Variants in ATRNL1 observed in about 807,000 individuals in gnomAD.
The protein encoded by ATRNL1 is attractin-like protein 1.
In ATRNL1, 95 loss-of-function variants were observed where a neutral mutation model predicts 182.7. The observed-to-expected ratio is 0.52, with a 90% CI of 0.44 to 0.62. The LOEUF is 0.62. Ranked by LOEUF, ATRNL1 falls within the 20% of genes least tolerant of loss-of-function variation. The pLI is 0.00. For synonymous variants in ATRNL1, 576 were observed against 568.3 expected, an observed-to-expected ratio of 1.01 and a Z score of -0.19; for missense variants, 1,471 against 1,679.5, an observed-to-expected ratio of 0.88 and a Z score of 2.17.
At chr10:115,139,150 T>TA (rs1845648925) in intron 5 of ATRNL1, among the ~76,000 whole-genome samples, 1 of 152,214 alleles carries the variant, frequency 6.6e-6, no homozygotes, top group African/African-American at 2.4e-5. Context: ...TCATTGTCCA[T>TA]ATGATTATCA....
chr10:115,459,511 A>T (rs565649081), intron 21 of ATRNL1, among the ~76,000 whole-genome samples: 67 of 152,256 alleles, frequency 4.4e-4, no homozygotes, highest in African/African-American at 1.5e-3. Flanking sequence ...CCAGTCTCCC[A>T]TAGCGCTCCC....
chr10:115,348,488 A>G (rs1037676333), intron 19 of ATRNL1, among the ~76,000 whole-genome samples: 39 of 152,226 alleles, frequency 2.6e-4, no homozygotes, highest in African/African-American at 8.7e-4. Flanking sequence ...TATGATTCAA[A>G]CTTTTATGGC....
intron 26 of ATRNL1, among the ~76,000 whole-genome samples, chr10:115,665,328 C>T (rs1168615733): frequency 1.3e-5 from 2 of 152,052 alleles, no homozygotes; most frequent in Non-Finnish European, 2.9e-5. Context: ...AAAATTGAGG[C>T]ACAAAGAAGG....
intron 24 of ATRNL1, among the ~76,000 whole-genome samples, chr10:115,488,149 T>C (rs1189890918): frequency 2.6e-5 from 4 of 152,186 alleles, no homozygotes; most frequent in Non-Finnish European, 5.9e-5. Flanking sequence ...GATTTTTGCA[T>C]CGATGTTCAT....
intron 18 of ATRNL1, among the ~76,000 whole-genome samples, chr10:115,324,055 G>A (rs567072343): frequency 5.9e-5 from 9 of 152,316 alleles, no homozygotes; most frequent in African/African-American, 1.7e-4. Context: ...GGGATTACAG[G>A]TGTGAGCCAC....
intron 27 of ATRNL1, among the ~76,000 whole-genome samples, chr10:115,798,809 T>C (rs1332208413): frequency 7.0e-6 from 1 of 142,756 alleles, no homozygotes; most frequent in Non-Finnish European, 1.5e-5. Context: ...GGTTGCTTTT[T>C]TTTTCTTTTT....
chr10:115,284,938 T>G (rs2133935015), intron 14 of ATRNL1, among the ~76,000 whole-genome samples: 1 of 152,272 alleles, frequency 6.6e-6, no homozygotes, highest in South Asian at 2.1e-4. Context: ...ATACCTACAT[T>G]CTAGATTCTG....
Position 115,549,481 on chromosome 10 carries a change from TG to T in ATRNL1, c.3742del (p.Ala1248LeufsTer37). ...AGTTGTTTCCTATCCTTATTGCTGG[TG>T]GCTGCTGTGGTATGGAAGATCAAAC... ...FFSCFLSLLL[V>X]AAVVWKIKQT... is the part of the protein sequence containing the mutation. On this transcript the variant is annotated frameshift_variant, in exon 26 of 29. Transcript: ENST00000355044. LOFTEE classifies it high-confidence loss of function. 1 of 1,603,654 alleles carries T rather than the reference TG, an allele frequency of 6.2e-7. No homozygotes were observed. The highest frequency in any genetic ancestry group is 8.5e-7 in the Non-Finnish European group (1 of 1,174,450).
At chr10:115,454,795 G>A (rs1468450727) in intron 21 of ATRNL1, among the ~76,000 whole-genome samples, 1 of 151,976 alleles carries the variant, frequency 6.6e-6, no homozygotes, top group Non-Finnish European at 1.5e-5. Context: ...TTTTGTGTTT[G>A]TGTGTGTGTA....
intron 19 of ATRNL1, among the ~76,000 whole-genome samples, chr10:115,368,105 C>G (rs1375266298): frequency 6.6e-6 from 1 of 152,192 alleles, no homozygotes; most frequent in Non-Finnish European, 1.5e-5. Context: ...TGGGCAATGG[C>G]GGGCGCCCCT....
intron 5 of ATRNL1, among the ~76,000 whole-genome samples, chr10:115,129,914 A>G (rs1186698796): frequency 8.5e-5 from 13 of 152,216 alleles, no homozygotes; most frequent in African/African-American, 3.1e-4. Context: ...ATACTACAAA[A>G]ATAAATGTTC....
At chr10:115,326,435 G>C (rs1055710761) in intron 18 of ATRNL1, among the ~76,000 whole-genome samples, 1 of 152,098 alleles carries the variant, frequency 6.6e-6, no homozygotes, top group Non-Finnish European at 1.5e-5. Context: ...AATAAAAGAG[G>C]ATACAAACAA....
At chr10:115,257,832 G>T (rs1354092869) in intron 10 of ATRNL1, among the ~76,000 whole-genome samples, 2 of 152,152 alleles carry the variant, frequency 1.3e-5, no homozygotes, top group African/African-American at 4.8e-5. Context: ...GCATTTGCTT[G>T]TCTGTAAAGG....
intron 27 of ATRNL1, among the ~76,000 whole-genome samples, chr10:115,751,391 G>A (rs1948444289): frequency 6.6e-6 from 1 of 152,026 alleles, no homozygotes; most frequent in Non-Finnish European, 1.5e-5. Context: ...TACTAAATTT[G>A]TGGTAACTTG....
chr10:115,197,853 G>A (rs1848421059), intron 8 of ATRNL1, among the ~76,000 whole-genome samples: 1 of 152,120 alleles, frequency 6.6e-6, no homozygotes, highest in South Asian at 2.1e-4. Context: ...TCAAACCCAT[G>A]TTATTCAAGC....
chr10:115,344,926 GT>G (rs1397114891), intron 19 of ATRNL1, among the ~76,000 whole-genome samples: 10 of 152,110 alleles, frequency 6.6e-5, no homozygotes, highest in Non-Finnish European at 1.2e-4. Flanking sequence ...TAGAAATGTC[GT>G]CTGGAAGCTA....
chr10:115,391,685 TG>T (rs1844027792), intron 19 of ATRNL1, among the ~76,000 whole-genome samples: 1 of 151,990 alleles, frequency 6.6e-6, no homozygotes, highest in Admixed American at 6.6e-5. Flanking sequence ...CCTTAGCTGT[TG>T]GGAAGGTATT....
rs1389627928 is a variant in ATRNL1 at position 115,700,195 on chromosome 10, TATATACC to T, written c.3796-27052_3796-27046del. On this transcript the variant is annotated intron_variant, in intron 26 of 28. Coordinates refer to ENST00000355044, the MANE Select transcript of ATRNL1 (RefSeq NM_207303.4). Reference sequence around the variant, plus strand: ...GGTTAAATGATTTATTTCTTTTGGATATATACCCAGTAATGGGATTGCTGGGTCAAAT... The same window carrying T: ...GGTTAAATGATTTATTTCTTTTGGATCAGTAATGGGATTGCTGGGTCAAAT... 1.3e-3 allele frequency among the ~76,000 whole-genome samples: 198 copies of T among 152,322 alleles called. 1 individual carries two copies. Among genetic ancestry groups the T allele is most frequent in the African/African-American group, 4.5e-3 (189 of 41,586 alleles).
intron 21 of ATRNL1, among the ~76,000 whole-genome samples, chr10:115,443,885 A>G (rs185897124): frequency 6.6e-6 from 1 of 152,218 alleles, no homozygotes; most frequent in Admixed American, 6.5e-5. Context: ...TGAATTCTCT[A>G]TGCCTCAGAG....
Sources: gnomAD v4.1 joint callset for allele counts (sites outside exome capture counted in the v4.1 genomes callset) on GRCh38, gnomAD v4.1.1 for gene constraint, MANE v1.5 for transcripts, NCBI Gene and HGNC (gene_info 2026-07-23, HGNC 2026-07-21) for gene names.